Variants in WWOX observed in about 807,000 individuals in gnomAD.
WWOX encodes the protein WW domain-containing oxidoreductase.
In WWOX, 69 loss-of-function variants were observed where a neutral mutation model predicts 46.2. The ratio of observed to expected loss-of-function variants is 1.49; its 90% CI spans 1.23 to 1.82. The LOEUF (loss-of-function observed/expected upper bound fraction) is 1.82. Ranked by LOEUF, WWOX falls within the 40% of genes most tolerant of loss-of-function variation. WWOX has a pLI of 0.00. For missense variants in WWOX, 919 were observed against 542.6 expected (o/e 1.69, Z -6.89); for synonymous variants, 359 against 202.6 (o/e 1.77, Z -6.56).
chr16:78,821,914 G>A (rs1445787134), intron 8 of WWOX, among the ~76,000 whole-genome samples: 2 of 152,110 alleles, frequency 1.3e-5, no homozygotes, highest in African/African-American at 2.4e-5. Flanking sequence ...GAATCTCACT[G>A]TGTTGCTCAG....
intron 8 of WWOX, among the ~76,000 whole-genome samples, chr16:79,114,203 T>C (rs1051986098): frequency 3.3e-5 from 5 of 152,042 alleles, no homozygotes; most frequent in Non-Finnish European, 7.4e-5. Flanking sequence ...CCCCAGAAGA[T>C]ATGTTGAAGT....
intron 8 of WWOX, among the ~76,000 whole-genome samples, chr16:78,474,463 T>C (rs1339731404): frequency 6.6e-6 from 1 of 152,220 alleles, no homozygotes; most frequent in Admixed American, 6.5e-5. Flanking sequence ...AGGTAGAAAA[T>C]AAGGATTTCC....
intron 6 of WWOX, among the ~76,000 whole-genome samples, chr16:78,394,854 G>C (rs530012549): frequency 6.6e-6 from 1 of 152,340 alleles, no homozygotes; most frequent in South Asian, 2.1e-4. Flanking sequence ...GTAGTGTAAA[G>C]AACGTGGGTG....
chr16:78,249,316 C>T (rs1247373791), intron 5 of WWOX, among the ~76,000 whole-genome samples: 1 of 152,162 alleles, frequency 6.6e-6, no homozygotes, highest in Non-Finnish European at 1.5e-5. Context: ...GTCGCTGATG[C>T]ACTCTCATTC....
intron 8 of WWOX, among the ~76,000 whole-genome samples, chr16:78,527,166 C>A (rs1288291214): frequency 6.6e-6 from 1 of 151,856 alleles, no homozygotes; most frequent in Admixed American, 6.6e-5. Context: ...AAAAAAACAA[C>A]AAAAAAATGA....
chr16:78,114,392 G>A (rs1022488400), intron 3 of WWOX, among the ~76,000 whole-genome samples: 1 of 152,116 alleles, frequency 6.6e-6, no homozygotes, highest in Non-Finnish European at 1.5e-5. Context: ...GAGCCACTGT[G>A]CCCAGCCTCC....
At chr16:78,481,296 TAA>T (rs1320668218) in intron 8 of WWOX, among the ~76,000 whole-genome samples, 4 of 152,208 alleles carry the variant, frequency 2.6e-5, no homozygotes, top group Non-Finnish European at 5.9e-5. Flanking sequence ...TCTTGGATTT[TAA>T]AAAGACTCTG....
chr16:79,076,828 C>G (rs187931704), intron 8 of WWOX, among the ~76,000 whole-genome samples: 4 of 152,218 alleles, frequency 2.6e-5, no homozygotes, highest in Non-Finnish European at 4.4e-5. Flanking sequence ...AACTGCTTAA[C>G]GCATGTGAAT....
chr16:78,164,035 C>T, intron 4 of WWOX, 148 bp from the exon 5 acceptor site: 4 of 758,338 alleles, frequency 5.3e-6, no homozygotes, highest in Non-Finnish European at 9.3e-6. Context: ...AAAATGTCTC[C>T]AGACATTTGC....
intron 5 of WWOX, among the ~76,000 whole-genome samples, chr16:78,331,294 T>C (rs996988172): frequency 2.6e-5 from 4 of 152,224 alleles, no homozygotes; most frequent in Non-Finnish European, 5.9e-5. Flanking sequence ...ATTTTCAAAA[T>C]GATAGTTAAG....
Position 79,193,105 on chromosome 16 carries a change from C to G in WWOX, c.1057-18503C>G, listed in dbSNP as rs116640938. Among the ~76,000 whole-genome samples the G allele has an allele frequency of 3.3e-3, 508 of 152,350 alleles. 1 individual carries two copies. The highest frequency in any genetic ancestry group is 0.011 in the African/African-American group (462 of 41,584). ...TGTGATCCCAGGGGCAAGGCCAGCA[C>G]TTTCCATTCCATTAGACTTCATTCT... On this transcript the variant is annotated intron_variant, in intron 8 of 8. Coordinates refer to ENST00000566780, the MANE Select transcript of WWOX (RefSeq NM_016373.4).
intron 8 of WWOX, among the ~76,000 whole-genome samples, chr16:78,853,024 G>A (rs932985554): frequency 1.3e-5 from 2 of 152,150 alleles, no homozygotes; most frequent in East Asian, 3.9e-4. Flanking sequence ...CAGATAATTA[G>A]TAATGTCTTA....
At chr16:78,789,795 A>C (rs1236542932) in intron 8 of WWOX, among the ~76,000 whole-genome samples, 1 of 152,078 alleles carries the variant, frequency 6.6e-6, no homozygotes, top group Non-Finnish European at 1.5e-5. Flanking sequence ...GGAAAAGCTC[A>C]TTTTCCAGTT....
chr16:78,710,490 A>ATATATATT (rs1228497271), intron 8 of WWOX, among the ~76,000 whole-genome samples: 2 of 134,696 alleles, frequency 1.5e-5, no homozygotes, highest in African/African-American at 5.4e-5. Context: ...ATATATATAT[A>ATATATATT]TATATATATT....
At chr16:79,157,305 T>C (rs1279593160) in intron 8 of WWOX, among the ~76,000 whole-genome samples, 1 of 152,112 alleles carries the variant, frequency 6.6e-6, no homozygotes, top group Non-Finnish European at 1.5e-5. Context: ...TTTTTCTGAT[T>C]TTAAGAACTA....
rs553776020 is a variant in WWOX, at chr16:78,298,706, G to A, written c.517-88154G>A. On this transcript the variant is annotated intron_variant, in intron 5 of 8. Transcript: ENST00000566780. ...CTTAGGAGGCTGAGGCAGGAGAATC[G>A]CTTAAACCTGGGAGGCGGAGGTTGT... is the stretch of plus-strand genomic sequence containing the variant. Among the ~76,000 whole-genome samples the A allele has an allele frequency of 2.8e-4, 42 of 151,650 alleles. No individual in the cohort carries two copies. The East Asian group carries it at 7.6e-3, about 28-fold the overall frequency.
intron 8 of WWOX, among the ~76,000 whole-genome samples, chr16:78,671,364 G>T (rs1433115048): frequency 1.3e-5 from 2 of 152,202 alleles, no homozygotes; most frequent in African/African-American, 4.8e-5. Context: ...GGTGGAGGTT[G>T]CCGTCAGCTG....
intron 5 of WWOX, among the ~76,000 whole-genome samples, chr16:78,313,246 C>T (rs2080284141): frequency 6.6e-6 from 1 of 152,188 alleles, no homozygotes; most frequent in South Asian, 2.1e-4. Flanking sequence ...GGATCCTTGA[C>T]TTCCTTATCT....
chr16:78,852,040 C>G (rs755559330), intron 8 of WWOX, among the ~76,000 whole-genome samples: 1 of 152,140 alleles, frequency 6.6e-6, no homozygotes, highest in Non-Finnish European at 1.5e-5. Flanking sequence ...TCAAGAGTGA[C>G]TTGAACTGGG....
Sources: allele counts gnomAD v4.1 joint callset (sites outside exome capture counted in the v4.1 genomes callset), GRCh38; gene constraint gnomAD v4.1.1; transcripts MANE v1.5; gene names NCBI Gene and HGNC (gene_info 2026-07-23, HGNC 2026-07-21).